NME7: variants seen among roughly 807,000 people sequenced by gnomAD.
The protein encoded by NME7 is nucleoside diphosphate kinase 7.
NME7 carries 41 observed loss-of-function variants against 49.1 expected under a neutral mutation model. The observed-to-expected ratio is 0.83, with a 90% CI of 0.65 to 1.08. The LOEUF (loss-of-function observed/expected upper bound fraction) is 1.08, where lower values mean the gene tolerates loss of function less well. Among genes scored for constraint, NME7 ranks in the 50% least tolerant of loss-of-function variants. The probability of loss-of-function intolerance (pLI) is 0.00; values close to 1 mark genes in which losing one functional copy is unlikely to be tolerated. For missense variants in NME7, 423 were observed against 463.4 expected (o/e 0.91, Z 0.80); for synonymous variants, 139 against 150.6 (o/e 0.92, Z 0.56).
rs967351668 is a variant in NME7 at position 169,191,730 on chromosome 1, G to A, written c.991-22176C>T. 2.6e-5 allele frequency among the ~76,000 whole-genome samples: 4 copies of A among 151,908 alleles called. No individual in the cohort carries two copies. The East Asian group carries it at 5.8e-4, about 22-fold the overall frequency. On this transcript the variant is annotated intron_variant, in intron 10 of 11. Coordinates refer to ENST00000367811, the MANE Select transcript of NME7 (RefSeq NM_013330.5). ...TATCTAACATCTTCAATCATTCAGC[G>A]TATTTTTTCAATCAATATCTCAGTT... is the stretch of plus-strand genomic sequence containing the variant.
intron 10 of NME7, among the ~76,000 whole-genome samples, chr1:169,192,096 G>C (rs1034602569): frequency 6.6e-6 from 1 of 152,212 alleles, no homozygotes; most frequent in Non-Finnish European, 1.5e-5. Context: ...GGTGTAAAGA[G>C]ACTTCTCTAG....
chr1:169,315,420 C>T (rs1219000760), intron 3 of NME7, among the ~76,000 whole-genome samples: 2 of 151,956 alleles, frequency 1.3e-5, no homozygotes, highest in Non-Finnish European at 2.9e-5. Context: ...CACGCCTCCA[C>T]GGCCGGCTAA....
intron 10 of NME7, among the ~76,000 whole-genome samples, chr1:169,179,368 A>G (rs1659860328): frequency 6.6e-6 from 1 of 152,166 alleles, no homozygotes; most frequent in South Asian, 2.1e-4. Context: ...TGGGAATGTA[A>G]ATTAGTTCAA....
At chr1:169,233,647 G>A (rs1430639055) in intron 9 of NME7, among the ~76,000 whole-genome samples, 1 of 152,086 alleles carries the variant, frequency 6.6e-6, no homozygotes, top group African/African-American at 2.4e-5. Context: ...AATTTATATG[G>A]TACTCATAAC....
At chr1:169,289,493 A>T (rs939332819) in intron 6 of NME7, among the ~76,000 whole-genome samples, 1 of 152,076 alleles carries the variant, frequency 6.6e-6, no homozygotes. Context: ...AGCCCTTACA[A>T]GTTAGCAAGT....
chr1:169,179,438 C>T (rs1659862787), intron 10 of NME7, among the ~76,000 whole-genome samples: 2 of 152,180 alleles, frequency 1.3e-5, no homozygotes, highest in Admixed American at 1.3e-4. Flanking sequence ...TACCGTTTGA[C>T]CCAGCAATCC....
chr1:169,234,499 AAAC>A (rs569416719), intron 9 of NME7, among the ~76,000 whole-genome samples: 61 of 151,784 alleles, frequency 4.0e-4, no homozygotes, highest in South Asian at 2.7e-3. Flanking sequence ...ATAATAATAA[AAAC>A]AACAATAATA....
chr1:169,252,517 T>C (rs908013888), intron 7 of NME7, among the ~76,000 whole-genome samples: 2 of 152,004 alleles, frequency 1.3e-5, no homozygotes, highest in Non-Finnish European at 2.9e-5. Context: ...AGGTTGCCTG[T>C]TCACTCTGAT....
At chr1:169,315,252 CTTTCTTTCTTTTTTTTT>C (rs1651570805) in intron 3 of NME7, among the ~76,000 whole-genome samples, 1 of 150,808 alleles carries the variant, frequency 6.6e-6, no homozygotes, top group Admixed American at 6.7e-5. Flanking sequence ...CCTTTCTTTT[CTTTCTTTCTTTTTTTTT>C]TTTCTTTTTT....
At chr1:169,362,864 T>C (rs12097151) in intron 1 of NME7, among the ~76,000 whole-genome samples, 20,128 of 152,150 alleles carry the variant, frequency 0.13, 2,760 homozygotes, top group East Asian at 0.78. Context: ...GTATCTGCCA[T>C]ACAACAAGAA....
At position 169,289,281 on chromosome 1, in the gene NME7, T is replaced by C. The variant is rs112340968; in HGVS notation, c.649-1873A>G. On this transcript the variant is annotated intron_variant, in intron 6 of 11. Transcript: ENST00000367811. ...CTCCCTCTCAGTCTCCTTCGATGGT[T>C]TTCTCCTATCTAGCTGACCTCTATG... Among the ~76,000 whole-genome samples the C allele has an allele frequency of 4.6e-5, 7 of 152,260 alleles. 1 individual carries two copies. Among genetic ancestry groups the C allele is most frequent in the African/African-American group, 1.2e-4 (5 of 41,562 alleles).
intron 7 of NME7, among the ~76,000 whole-genome samples, chr1:169,272,172 C>T (rs1228985311): frequency 7.6e-6 from 1 of 131,508 alleles, no homozygotes; most frequent in African/African-American, 2.5e-5. Context: ...CTCTAAAAAC[C>T]ATTAAATCCT....
chr1:169,315,320 A>G lies in NME7; in HGVS notation c.279-5240T>C, dbSNP rs1362060277. Among the ~76,000 whole-genome samples the G allele has an allele frequency of 2.0e-5, 3 of 147,900 alleles. No individual in the cohort carries two copies. The South Asian group carries it at 6.3e-4, about 31-fold the overall frequency. On this transcript the variant is annotated intron_variant, in intron 3 of 11. Transcript: ENST00000367811. ...CGCTGTGTCACCCAGGCTGGAGTGC[A>G]GTGGTGCCATCTCAGCTCACTACAA...
At chr1:169,177,974 C>T (rs1659808166) in intron 10 of NME7, among the ~76,000 whole-genome samples, 1 of 151,964 alleles carries the variant, frequency 6.6e-6, no homozygotes, top group Non-Finnish European at 1.5e-5. Context: ...GCAGCTAGGA[C>T]TACAGGCGCC....
At chr1:169,138,052 T>A (rs995051637) in intron 11 of NME7, among the ~76,000 whole-genome samples, 1 of 152,238 alleles carries the variant, frequency 6.6e-6, no homozygotes, top group Non-Finnish European at 1.5e-5. Context: ...GGCTCATGCC[T>A]GTAATCCCAG....
chr1:169,347,843 T>C (rs539456097), intron 1 of NME7, among the ~76,000 whole-genome samples: 237 of 152,336 alleles, frequency 1.6e-3, no homozygotes, highest in South Asian at 5.0e-3. Flanking sequence ...ATGTAGTATG[T>C]AGCAGCCCTG....
At chr1:169,154,761 G>A (rs1571248467) in intron 11 of NME7, among the ~76,000 whole-genome samples, 1 of 150,278 alleles carries the variant, frequency 6.7e-6, no homozygotes, top group African/African-American at 2.5e-5. Flanking sequence ...TCAAGCCAGT[G>A]CACTCCAGTC....
intron 9 of NME7, among the ~76,000 whole-genome samples, chr1:169,231,520 A>G (rs1462361877): frequency 1.3e-5 from 2 of 152,188 alleles, no homozygotes; most frequent in Non-Finnish European, 2.9e-5. Flanking sequence ...AGATGAGGGG[A>G]GTATGCAGAA....
At chr1:169,292,881 A>G (rs1650563234) in intron 6 of NME7, among the ~76,000 whole-genome samples, 2 of 152,184 alleles carry the variant, frequency 1.3e-5, no homozygotes, top group Non-Finnish European at 2.9e-5. Context: ...TCAGAAGGAA[A>G]AACCTACAAG....
Sources: gnomAD v4.1 joint callset for allele counts (sites outside exome capture counted in the v4.1 genomes callset) on GRCh38, gnomAD v4.1.1 for gene constraint, MANE v1.5 for transcripts, NCBI Gene and HGNC (gene_info 2026-07-23, HGNC 2026-07-21) for gene names.